Variants in FBN1 observed in about 807,000 individuals in gnomAD.
The protein encoded by FBN1 is fibrillin 1.
In FBN1, 29 loss-of-function variants were observed where a neutral mutation model predicts 365.1. The observed-to-expected ratio is 0.08, with a 90% confidence interval of 0.06 to 0.11. The LOEUF is 0.11. Ranked by LOEUF, FBN1 falls within the 10% of genes least tolerant of loss-of-function variation. The probability of loss-of-function intolerance (pLI) is 1.00; values close to 1 mark genes in which losing one functional copy is unlikely to be tolerated. For missense variants in FBN1, 2,476 were observed against 3,703.2 expected, an observed-to-expected ratio of 0.67 and a Z score of 8.60; for synonymous variants, 1,210 against 1,270.5, an observed-to-expected ratio of 0.95 and a Z score of 1.01.
intron 23 of FBN1, among the ~76,000 whole-genome samples, chr15:48,493,149 G>T (rs1302786082): frequency 6.6e-6 from 1 of 152,110 alleles, no homozygotes; most frequent in Non-Finnish European, 1.5e-5. Context: ...GGGTTGAGGG[G>T]AATTAAAAGA....
intron 13 of FBN1, among the ~76,000 whole-genome samples, chr15:48,512,483 T>A (rs1470285700): frequency 6.6e-6 from 1 of 152,160 alleles, no homozygotes; most frequent in Non-Finnish European, 1.5e-5. Flanking sequence ...CCTCCAACCC[T>A]CCACCCTCCA....
chr15:48,623,751 T>C (rs1889814954), intron 2 of FBN1, among the ~76,000 whole-genome samples: 1 of 152,310 alleles, frequency 6.6e-6, no homozygotes, highest in African/African-American at 2.4e-5. Context: ...CACTGCTGAG[T>C]GGAGTAACTC....
At chr15:48,482,478 AAG>A (rs1195184741) in intron 31 of FBN1, among the ~76,000 whole-genome samples, 1 of 152,212 alleles carries the variant, frequency 6.6e-6, no homozygotes, top group Non-Finnish European at 1.5e-5. Context: ...CCCTGAGAGA[AAG>A]AAAAACTAGG....
At position 48,513,649 on chromosome 15, in the gene FBN1, T is replaced by G. The variant is rs2043778923; in HGVS notation, c.1488A>C (p.Lys496Asn). 6.2e-7 allele frequency: 1 copy of G among 1,613,890 alleles called. No individual in the cohort carries two copies. Among genetic ancestry groups the G allele is most frequent in the Admixed American group, 1.7e-5 (1 of 59,988 alleles). Residue 496 changes from lysine to asparagine, a missense_variant, in exon 13 of 66, where the codon AAA (lysine) becomes AAC (asparagine). By Grantham distance (94) the Lys-to-Asn change is moderately conservative (BLOSUM62 0). Coordinates refer to ENST00000316623, the MANE Select transcript of FBN1 (RefSeq NM_000138.5). ...GECIDVDECE[K>N]NPCAGGECIN... ...TACACTCACCACCAGCACAGGGGTT[T>G]TTCTCACATTCATCAACATCTGCAA... is the stretch of plus-strand genomic sequence containing the variant.
intron 22 of FBN1, among the ~76,000 whole-genome samples, chr15:48,494,668 C>T (rs1162135295): frequency 6.6e-6 from 1 of 152,180 alleles, no homozygotes; most frequent in African/African-American, 2.4e-5. Flanking sequence ...TAAATTTACA[C>T]ATTTATATAT....
intron 55 of FBN1, among the ~76,000 whole-genome samples, chr15:48,432,499 T>C (rs7175546): frequency 0.06 from 9,144 of 152,302 alleles, 317 homozygotes; most frequent in East Asian, 0.16. Context: ...ATAATCACCA[T>C]AGCATTTATC....
At chr15:48,577,180 TC>T (rs1046884446) in intron 6 of FBN1, among the ~76,000 whole-genome samples, 4 of 152,116 alleles carry the variant, frequency 2.6e-5, no homozygotes, top group African/African-American at 9.7e-5. Context: ...ATACAGAGAT[TC>T]CCAAAAATGC....
chr15:48,611,385 C>T (rs1026221637), intron 3 of FBN1, among the ~76,000 whole-genome samples: 3 of 152,006 alleles, frequency 2.0e-5, no homozygotes, highest in East Asian at 1.9e-4. Flanking sequence ...CTCAGCCTCC[C>T]GAGTAGCTGG....
At chr15:48,488,560 C>T in intron 25 of FBN1, 67 bp from the exon 26 acceptor site, 13 of 1,570,982 alleles carry the variant, frequency 8.3e-6, no homozygotes, top group South Asian at 1.1e-5. Context: ...TCTCAATGCC[C>T]ACCATTTTAA....
At chr15:48,545,894 A>C (rs944944633) in intron 6 of FBN1, among the ~76,000 whole-genome samples, 2 of 151,968 alleles carry the variant, frequency 1.3e-5, no homozygotes, top group Non-Finnish European at 2.9e-5. Context: ...GTGTGATGGT[A>C]GGCGCCTGTA....
intron 9 of FBN1, among the ~76,000 whole-genome samples, chr15:48,524,749 C>T (rs1397076447): frequency 6.6e-6 from 1 of 152,098 alleles, no homozygotes; most frequent in Non-Finnish European, 1.5e-5. Flanking sequence ...TTTATCTAAC[C>T]TCTCTCAATC....
At chr15:48,531,448 T>C (rs1300497508) in intron 8 of FBN1, among the ~76,000 whole-genome samples, 2 of 152,192 alleles carry the variant, frequency 1.3e-5, no homozygotes, top group Non-Finnish European at 2.9e-5. Context: ...AAAAATTCTA[T>C]GAAAAGTACT....
chr15:48,570,837 C>T (rs2044301170), intron 6 of FBN1, among the ~76,000 whole-genome samples: 2 of 152,190 alleles, frequency 1.3e-5, no homozygotes, highest in South Asian at 4.1e-4. Flanking sequence ...AAACTGGCAT[C>T]TGCTGGCCAG....
Position 48,644,593 on chromosome 15 carries a change from C to A in FBN1, c.164+13G>T, listed in dbSNP as rs775706966. The A allele has an allele frequency of 6.2e-7, 1 of 1,614,058 alleles. No homozygotes were observed. Among genetic ancestry groups the A allele is most frequent in the East Asian group, 2.2e-5 (1 of 44,874 alleles). On this transcript the variant is annotated intron_variant, in intron 2 of 65. Coordinates refer to ENST00000316623, the MANE Select transcript of FBN1 (RefSeq NM_000138.5). ...GGGAGACCCACACCAAAGGAGGGAA[C>A]CGGTTCCTTTACCCTTTAAGCGCGT...
chr15:48,520,236 GA>G (rs1038727407), intron 10 of FBN1, among the ~76,000 whole-genome samples: 17 of 145,350 alleles, frequency 1.2e-4, no homozygotes, highest in South Asian at 1.1e-3. Flanking sequence ...TACTGTGAAG[GA>G]AAAAAAAAAC....
At chr15:48,522,387 C>G (rs1261968001) in intron 9 of FBN1, among the ~76,000 whole-genome samples, 1 of 151,946 alleles carries the variant, frequency 6.6e-6, no homozygotes, top group East Asian at 1.9e-4. Context: ...ATGTAATGTA[C>G]TTGAATCATC....
intron 65 of FBN1, 131 bp downstream of exon 65, chr15:48,412,438 G>A (rs1437692728): frequency 2.1e-6 from 2 of 947,926 alleles, no homozygotes; most frequent in African/African-American, 3.2e-5. Context: ...ACAGCCTAGA[G>A]CTCAGGGAAT....
chr15:48,570,490 G>A (rs1398505327), intron 6 of FBN1, among the ~76,000 whole-genome samples: 3 of 151,456 alleles, frequency 2.0e-5, no homozygotes, highest in Non-Finnish European at 4.4e-5. Flanking sequence ...AAAGGGAGGT[G>A]TGAAATGAGA....
chr15:48,606,515 A>G (rs1283908075), intron 4 of FBN1, among the ~76,000 whole-genome samples: 1 of 152,252 alleles, frequency 6.6e-6, no homozygotes, highest in Admixed American at 6.5e-5. Context: ...TTCCATTTAT[A>G]TAACATTTGT....
Sources: gnomAD v4.1 joint callset for allele counts (sites outside exome capture counted in the v4.1 genomes callset) on GRCh38, gnomAD v4.1.1 for gene constraint, MANE v1.5 for transcripts, NCBI Gene and HGNC (gene_info 2026-07-23, HGNC 2026-07-21) for gene names.